ADGRV1: variants seen among roughly 807,000 people sequenced by gnomAD.
The protein encoded by ADGRV1 is adhesion G protein-coupled receptor V1, also known as G-protein coupled receptor 98.
A neutral mutation model predicts 596.2 loss-of-function variants in ADGRV1; 359 were observed. The ratio of observed to expected loss-of-function variants is 0.60; its 90% CI spans 0.55 to 0.66. ADGRV1 has a LOEUF of 0.66. ADGRV1 is among the 30% of genes least tolerant of loss of function. The probability of loss-of-function intolerance (pLI) is 0.00; values close to 1 mark genes in which losing one functional copy is unlikely to be tolerated. For missense variants in ADGRV1, 7,274 were observed against 7,575.6 expected (o/e 0.96, Z 1.48); for synonymous variants, 2,681 against 2,679.2 (o/e 1.00, Z -0.02).
intron 85 of ADGRV1, among the ~76,000 whole-genome samples, chr5:91,054,102 T>TGTGTGTGA (rs1299621929): frequency 3.8e-3 from 480 of 126,712 alleles, no homozygotes; most frequent in African/African-American, 5.1e-3. Flanking sequence ...TGTGTGTGTG[T>TGTGTGTGA]GAGAGAGAGA....
At chr5:90,842,315 CT>C (rs1765503565) in intron 78 of ADGRV1, among the ~76,000 whole-genome samples, 2 of 152,180 alleles carry the variant, frequency 1.3e-5, no homozygotes, top group East Asian at 3.9e-4. Context: ...ATGTAATTAA[CT>C]TTTTTTGAGT....
chr5:90,850,578 CCT>C (rs1191693702), intron 79 of ADGRV1: 2 of 152,078 alleles, frequency 1.3e-5, no homozygotes, highest in Non-Finnish European at 2.9e-5. Context: ...ATTGTTTTCC[CCT>C]GTTGAACTAT....
intron 83 of ADGRV1, among the ~76,000 whole-genome samples, chr5:90,883,280 C>T (rs144865464): frequency 0.014 from 2,158 of 152,146 alleles, 27 homozygotes; most frequent in Non-Finnish European, 0.021. Context: ...GCTTCTACCT[C>T]CTAGAATAGC....
intron 87 of ADGRV1, among the ~76,000 whole-genome samples, chr5:91,144,063 G>A (rs534073388): frequency 3.0e-4 from 45 of 152,224 alleles, no homozygotes; most frequent in African/African-American, 7.7e-4. Context: ...CAGTGGGAGC[G>A]GGCCTGCAGG....
chr5:90,924,746 T>A (rs1214572566), intron 83 of ADGRV1, among the ~76,000 whole-genome samples: 1 of 152,148 alleles, frequency 6.6e-6, no homozygotes, highest in Non-Finnish European at 1.5e-5. Context: ...GGTTTTCTTC[T>A]AGGGTTTTTA....
intron 85 of ADGRV1, among the ~76,000 whole-genome samples, chr5:91,059,469 T>C (rs1787204067): frequency 6.6e-6 from 1 of 152,182 alleles, no homozygotes; most frequent in Non-Finnish European, 1.5e-5. Flanking sequence ...AACAGCAAGA[T>C]CATTTTCTTT....
chr5:90,718,803 G>GT (rs1454824506), intron 43 of ADGRV1, among the ~76,000 whole-genome samples: 2 of 149,374 alleles, frequency 1.3e-5, no homozygotes, highest in African/African-American at 4.9e-5. Flanking sequence ...TTTTTTTACT[G>GT]TGACTTTTTT....
intron 87 of ADGRV1, among the ~76,000 whole-genome samples, chr5:91,143,124 C>T (rs1562273294): frequency 1.3e-5 from 2 of 152,294 alleles, no homozygotes; most frequent in African/African-American, 2.4e-5. Flanking sequence ...CTAGGCATCC[C>T]GCAAGTAGCT....
rs750019538 is a variant in ADGRV1, at chr5:90,720,920, A to T, written c.9624-15A>T. 1 of 1,598,856 alleles carries T rather than the reference A, an allele frequency of 6.3e-7. No individual in the cohort carries two copies. Among genetic ancestry groups the T allele is most frequent in the East Asian group, 2.3e-5 (1 of 44,432 alleles). ...ATACTTTTTCTGCTTCCCTCAATCC[A>T]TGTATTTCTTTCAGAGCCACCTCCA... On this transcript the variant is annotated splice_polypyrimidine_tract_variant and intron_variant, in intron 44 of 89. Coordinates refer to ENST00000405460, the MANE Select transcript of ADGRV1 (RefSeq NM_032119.4).
At chr5:90,646,189 C>G in intron 16 of ADGRV1, 98 bp downstream of exon 16, 2 of 680,742 alleles carry the variant, frequency 2.9e-6, no homozygotes, top group Non-Finnish European at 4.1e-6. Context: ...TATGCACGTG[C>G]GTATATACAT....
intron 60 of ADGRV1, among the ~76,000 whole-genome samples, chr5:90,774,937 C>T (rs1758067726): frequency 6.6e-6 from 1 of 152,080 alleles, no homozygotes; most frequent in African/African-American, 2.4e-5. Flanking sequence ...GCATTATAGC[C>T]TATGTACGTC....
At position 91,150,025 on chromosome 5, in the gene ADGRV1, T is replaced by C; in HGVS notation, c.18433-5T>C. ...TTTTCTTTTCTTTTTTTTTTTTTTTTGCAGGGACTTTATGTTTTCATGGTT... is the reference window on the plus strand; with the variant it reads ...TTTTCTTTTCTTTTTTTTTTTTTTTCGCAGGGACTTTATGTTTTCATGGTT... On this transcript the variant is annotated splice_region_variant and splice_polypyrimidine_tract_variant and intron_variant, in intron 87 of 89. Transcript: ENST00000405460. 1 of 1,496,032 alleles carries C rather than the reference T, an allele frequency of 6.7e-7. No homozygotes were observed. Among genetic ancestry groups the C allele is most frequent in the African/African-American group, 1.4e-5 (1 of 69,312 alleles). The allele number at this position is 1,496,032 out of a possible 1,614,324, so 92.7% of individuals were successfully genotyped here. A position where few individuals can be genotyped will look rare whatever the true frequency, so the allele number is the denominator to read the frequency against.
intron 85 of ADGRV1, among the ~76,000 whole-genome samples, chr5:91,029,888 A>G (rs1784334566): frequency 6.6e-6 from 1 of 152,180 alleles, no homozygotes; most frequent in Admixed American, 6.5e-5. Context: ...TTTCAATGTC[A>G]TACTCTCTTA....
intron 4 of ADGRV1, among the ~76,000 whole-genome samples, chr5:90,621,281 G>A (rs1764031569): frequency 6.6e-6 from 1 of 152,124 alleles, no homozygotes; most frequent in Admixed American, 6.6e-5. Flanking sequence ...TGTATTGTAT[G>A]TCATTTTCTT....
chr5:90,779,384 T>C (rs889561042), intron 64 of ADGRV1: 4 of 198,404 alleles, frequency 2.0e-5, no homozygotes, highest in Non-Finnish European at 4.1e-5. Flanking sequence ...CGGCTTCTAA[T>C]TGGTGAAGAC....
chr5:90,651,910 A>C (rs1056441471), intron 18 of ADGRV1, among the ~76,000 whole-genome samples, 180 bp downstream of exon 18: 19 of 152,164 alleles, frequency 1.2e-4, no homozygotes, highest in Non-Finnish European at 2.5e-4. Flanking sequence ...TTCAAAAAAA[A>C]AAATCTTTTA....
At chr5:91,163,740 CT>C (rs1797143018) in intron 89 of ADGRV1, 41 bp from the exon 90 acceptor site, 2 of 804,066 alleles carry the variant, frequency 2.5e-6, no homozygotes, top group East Asian at 5.3e-5. Flanking sequence ...ATTCACTGCA[CT>C]AATAGTTTGG....
At chr5:90,628,935 A>G in intron 8 of ADGRV1, 103 bp downstream of exon 8, 3 of 1,053,522 alleles carry the variant, frequency 2.8e-6, no homozygotes, top group Non-Finnish European at 4.0e-6. Flanking sequence ...TTGAAGGGAC[A>G]GGAAAAACAC....
rs775653142 is a variant in ADGRV1 at position 90,685,516 on chromosome 5, C to T, written c.6275-264C>T. Among the ~76,000 whole-genome samples, 57 of 151,882 alleles carry T rather than the reference C, an allele frequency of 3.8e-4. 1 individual carries two copies. Among genetic ancestry groups the T allele is most frequent in the Non-Finnish European group, 4.9e-4 (33 of 67,964 alleles). On this transcript the variant is annotated intron_variant, in intron 28 of 89. Coordinates refer to ENST00000405460, the MANE Select transcript of ADGRV1 (RefSeq NM_032119.4). ...AGGAGAATTGCTTGAACTCAGGAAG[C>T]GGAGGTTGTGGTGAGCCAAGATGGC...
Sources: allele counts gnomAD v4.1 joint callset (sites outside exome capture counted in the v4.1 genomes callset), GRCh38; gene constraint gnomAD v4.1.1; transcripts MANE v1.5; gene names NCBI Gene and HGNC (gene_info 2026-07-23, HGNC 2026-07-21).